The following EML6 variants were observed in gnomAD, a reference collection of about 807,000 sequenced individuals.
EML6 encodes the protein echinoderm microtubule-associated protein-like 6.
Under a neutral mutation model 240.1 loss-of-function variants are expected in EML6, and 154 were observed. The ratio of observed to expected loss-of-function variants is 0.64; its 90% confidence interval spans 0.56 to 0.73. The LOEUF (loss-of-function observed/expected upper bound fraction) is 0.73. Ranked by LOEUF, EML6 falls within the 30% of genes least tolerant of loss-of-function variation. The probability of loss-of-function intolerance (pLI) is 0.00; values close to 1 mark genes in which losing one functional copy is unlikely to be tolerated. For missense variants in EML6, 2,964 were observed against 2,474.6 expected (o/e 1.20, Z -4.20); for synonymous variants, 1,148 against 899.0 (o/e 1.28, Z -4.95).
intron 14 of EML6, chr2:54,867,146 G>GTGCTGCTGCTCAT: frequency 3.6e-6 from 1 of 275,188 alleles, no homozygotes; most frequent in Non-Finnish European, 6.9e-6. Context: ...GACTTAAAGG[G>GTGCTGCTGCTCAT]TGCTGCTGCT....
intron 2 of EML6, among the ~76,000 whole-genome samples, chr2:54,771,140 A>G (rs1365436506): frequency 6.6e-6 from 1 of 152,124 alleles, no homozygotes; most frequent in Non-Finnish European, 1.5e-5. Flanking sequence ...CATCCAGCCT[A>G]TGTAATTTAC....
At chr2:54,878,185 G>T (rs749938260) in intron 16 of EML6, among the ~76,000 whole-genome samples, 1 of 152,154 alleles carries the variant, frequency 6.6e-6, no homozygotes, top group Non-Finnish European at 1.5e-5. Context: ...GTTTAACAAG[G>T]TTTTCTATAT....
At chr2:54,851,407 C>A (rs1026975761) in intron 10 of EML6, among the ~76,000 whole-genome samples, 1 of 151,980 alleles carries the variant, frequency 6.6e-6, no homozygotes, top group Non-Finnish European at 1.5e-5. Context: ...AGTGAGACTC[C>A]ATCTCAAAAT....
At chr2:54,848,643 A>T (rs1669904852) in intron 9 of EML6, among the ~76,000 whole-genome samples, 1 of 152,032 alleles carries the variant, frequency 6.6e-6, no homozygotes, top group Non-Finnish European at 1.5e-5. Context: ...ATGTAGAACG[A>T]TTATTTGCTA....
chr2:54,924,469 T>A (rs143121991), intron 26 of EML6, among the ~76,000 whole-genome samples: 1 of 152,218 alleles, frequency 6.6e-6, no homozygotes, highest in Non-Finnish European at 1.5e-5. Flanking sequence ...GTTCTCTATT[T>A]CTTCAATCAG....
At chr2:54,769,728 A>G (rs963147996) in intron 2 of EML6, among the ~76,000 whole-genome samples, 3 of 152,174 alleles carry the variant, frequency 2.0e-5, no homozygotes, top group Non-Finnish European at 2.9e-5. Flanking sequence ...CCTCTTTATG[A>G]TGGTGATTAG....
In EML6 at chr2:54,895,195, T is replaced by C. The variant is rs576399576; in HGVS notation, c.2855-78T>C. The C allele has an allele frequency of 2.6e-5, 38 of 1,480,206 alleles. No homozygotes were observed. The African/African-American group carries it at 5.2e-4, about 20-fold the overall frequency. 91.7% of individuals were successfully genotyped at this position (1,480,206 alleles called of 1,614,324 possible). On this transcript the variant is annotated intron_variant, in intron 20 of 41. Coordinates refer to ENST00000356458, the MANE Select transcript of EML6 (RefSeq NM_001039753.4). Reference sequence around the variant, plus strand: ...GCTGACTGCCTAGTACCTAGTTCTTTGGAGCTATAAAAATTGAATTTATAC... The same window carrying C: ...GCTGACTGCCTAGTACCTAGTTCTTCGGAGCTATAAAAATTGAATTTATAC...
At chr2:54,885,758 C>T (rs1054066423) in intron 17 of EML6, among the ~76,000 whole-genome samples, 1 of 152,030 alleles carries the variant, frequency 6.6e-6, no homozygotes, top group Non-Finnish European at 1.5e-5. Context: ...ACTACAGGCG[C>T]CAGCCACCGC....
At chr2:54,917,876 C>G (rs1476941288) in intron 26 of EML6, among the ~76,000 whole-genome samples, 1 of 152,200 alleles carries the variant, frequency 6.6e-6, no homozygotes, top group Non-Finnish European at 1.5e-5. Flanking sequence ...ATTCTTCCTT[C>G]AACTGTCTAG....
At chr2:54,769,022 G>C (rs1404274648) in intron 2 of EML6, among the ~76,000 whole-genome samples, 1 of 152,024 alleles carries the variant, frequency 6.6e-6, no homozygotes, top group African/African-American at 2.4e-5. Flanking sequence ...TGGAAAGCTG[G>C]GTAGTTAAGA....
chr2:54,847,350 A>G, intron 8 of EML6, 136 bp from the exon 9 acceptor site: 1 of 835,232 alleles, frequency 1.2e-6, no homozygotes, highest in Non-Finnish European at 1.8e-6. Flanking sequence ...ACAGGCCATG[A>G]TAAAGGGCTC....
chr2:54,761,439 A>G lies in EML6; in HGVS notation c.197+36181A>G, dbSNP rs1667978929. Among the ~76,000 whole-genome samples the G allele has an allele frequency of 2.6e-5, 4 of 152,122 alleles. No individual in the cohort carries two copies. The South Asian group carries it at 8.3e-4, about 32-fold the overall frequency. On this transcript the variant is annotated intron_variant, in intron 2 of 41. Transcript: ENST00000356458. The stretch of plus-strand genomic sequence containing the variant: ...TTCTGGTAAGAAAGTTGAATAAGGT[A>G]TTTCCCCTTTTCAGAGCAGCTTACT...
At chr2:54,889,345 G>T (rs535493666) in intron 17 of EML6, among the ~76,000 whole-genome samples, 1 of 151,526 alleles carries the variant, frequency 6.6e-6, no homozygotes. Flanking sequence ...CACACACCCC[G>T]TGGTCTTTTT....
Position 54,903,203 on chromosome 2 carries a change from A to G in EML6, c.3277+7A>G, listed in dbSNP as rs772188960. On this transcript the variant is annotated splice_region_variant and intron_variant, in intron 23 of 41. Transcript: ENST00000356458. ...GATATTAAGTTTTCAAAAGGTGAAGATGACAGCAGATACTTTTTAAAATAG... is the reference window on the plus strand; with the variant it reads ...GATATTAAGTTTTCAAAAGGTGAAGGTGACAGCAGATACTTTTTAAAATAG... 4.1e-5 allele frequency: 63 copies of G among 1,551,048 alleles called. No individual in the cohort carries two copies. Among genetic ancestry groups the G allele is most frequent in the South Asian group, 1.2e-5 (1 of 83,958 alleles).
intron 39 of EML6, 113 bp from the exon 40 acceptor site, chr2:54,968,015 G>C (rs959092189): frequency 2.8e-6 from 3 of 1,060,742 alleles, no homozygotes; most frequent in Non-Finnish European, 4.1e-6. Flanking sequence ...GGCTGTTGGG[G>C]ACCCCTGATG....
rs573698327 is a variant in EML6, at chr2:54,781,696, G to T, written c.198-31536G>T. On this transcript the variant is annotated intron_variant, in intron 2 of 41. Transcript: ENST00000356458. ...ATATTTTATTCTATTTTGAGACAGG[G>T]TCTCATTCTGTCACCCAGGCTGGAG... 6.6e-5 allele frequency among the ~76,000 whole-genome samples: 10 copies of T among 152,118 alleles called. No homozygotes were observed. In the South Asian group the frequency reaches 1.9e-3, roughly 28 times the overall value.
In EML6 at chr2:54,933,936, C is replaced by A. The variant is rs33980451; in HGVS notation, c.4004+5185C>A. Among the ~76,000 whole-genome samples, 12 of 152,050 alleles carry A rather than the reference C, an allele frequency of 7.9e-5. No individual in the cohort carries two copies. In the East Asian group the frequency reaches 2.3e-3, roughly 29 times the overall value. ...GTGGCTAATGATAATATTAACCACC[C>A]TAACTTGCCAAATAGTGGTAAAGAG... On this transcript the variant is annotated intron_variant, in intron 28 of 41. Transcript: ENST00000356458.
At chr2:54,962,458 A>G in intron 35 of EML6, 65 bp from the exon 36 acceptor site, 4 of 1,248,176 alleles carry the variant, frequency 3.2e-6, no homozygotes, top group Non-Finnish European at 4.4e-6. Flanking sequence ...TCTACTCTAG[A>G]TACCTCATAT....
chr2:54,873,617 T>C (rs1671365395), intron 16 of EML6, among the ~76,000 whole-genome samples: 1 of 149,604 alleles, frequency 6.7e-6, no homozygotes, highest in Admixed American at 6.7e-5. Context: ...TCTCCATAGT[T>C]CCACTCCTCA....
Sources: allele counts gnomAD v4.1 joint callset (sites outside exome capture counted in the v4.1 genomes callset), GRCh38; gene constraint gnomAD v4.1.1; transcripts MANE v1.5; gene names NCBI Gene and HGNC (gene_info 2026-07-23, HGNC 2026-07-21).